Variants in GPC3 observed in about 807,000 individuals in gnomAD.
GPC3 encodes glypican-3.
A neutral mutation model predicts 34.4 loss-of-function variants in GPC3; 3 were observed. That is an observed-to-expected ratio of 0.09 (90% confidence interval 0.04 to 0.23). GPC3 has a LOEUF of 0.23. Ranked by LOEUF, GPC3 falls within the 10% of genes least tolerant of loss-of-function variation. The pLI is 1.00. For missense variants in GPC3, 351 were observed against 445.6 expected (o/e 0.79, Z 1.91); for synonymous variants, 177 against 174.0 (o/e 1.02, Z -0.13).
chrX:133,905,637 A>C (rs940083075), intron 2 of GPC3, among the ~76,000 whole-genome samples: 1 of 111,860 alleles, frequency 8.9e-6, no homozygotes, highest in Non-Finnish European at 1.9e-5. Flanking sequence ...CTGTTCCCAG[A>C]GATTCTCCTT....
chrX:133,894,669 G>A (rs762577416), intron 2 of GPC3, among the ~76,000 whole-genome samples: 7 of 111,284 alleles, frequency 6.3e-5, no homozygotes, highest in Non-Finnish European at 5.7e-5. Context: ...GTGAAACCCC[G>A]TCTCTACTAA....
intron 2 of GPC3, among the ~76,000 whole-genome samples, chrX:133,831,719 C>T (rs1158062390): frequency 9.0e-6 from 1 of 111,679 alleles, no homozygotes; most frequent in Non-Finnish European, 1.9e-5. Flanking sequence ...CAAAACAAAA[C>T]AAAACAAAAC....
At chrX:133,870,565 AC>A (rs1466190610) in intron 2 of GPC3, among the ~76,000 whole-genome samples, 1 of 110,607 alleles carries the variant, frequency 9.0e-6, no homozygotes, top group Non-Finnish European at 1.9e-5. Flanking sequence ...TAAGTCCTAA[AC>A]CCAATCCTGT....
At chrX:133,940,694 T>C (rs2076341863) in intron 2 of GPC3, among the ~76,000 whole-genome samples, 1 of 111,514 alleles carries the variant, frequency 9.0e-6, no homozygotes, top group African/African-American at 3.3e-5. Flanking sequence ...TCCCCTCCCA[T>C]CAAAACAAAA....
At chrX:133,547,196 G>T (rs950245056) in intron 7 of GPC3, among the ~76,000 whole-genome samples, 4 of 111,278 alleles carry the variant, frequency 3.6e-5, no homozygotes, top group Non-Finnish European at 7.5e-5. Context: ...GAGAAAAAAA[G>T]AATACAAATG....
chrX:133,676,964 C>T (rs778343064), intron 5 of GPC3, among the ~76,000 whole-genome samples: 11 of 111,018 alleles, frequency 9.9e-5, no homozygotes, highest in Non-Finnish European at 1.9e-4. Flanking sequence ...TCTCCTGTCA[C>T]TTATATATCT....
At chrX:133,585,051 G>C (rs779548631) in intron 7 of GPC3, among the ~76,000 whole-genome samples, 1 of 111,536 alleles carries the variant, frequency 9.0e-6, no homozygotes, top group African/African-American at 3.3e-5. Context: ...TGTGTACACA[G>C]GCAAGATCTA....
At chrX:133,805,415 A>T (rs1416431281) in intron 2 of GPC3, among the ~76,000 whole-genome samples, 1 of 111,966 alleles carries the variant, frequency 8.9e-6, no homozygotes, top group Admixed American at 9.5e-5. Context: ...ACTGGGGGAC[A>T]GTGGAATATG....
chrX:133,629,597 C>T (rs1235371829), intron 6 of GPC3, among the ~76,000 whole-genome samples: 1 of 107,848 alleles, frequency 9.3e-6, no homozygotes, highest in Non-Finnish European at 1.9e-5. Flanking sequence ...GGTTTCACTA[C>T]GTTGGCCAGG....
intron 1 of GPC3, among the ~76,000 whole-genome samples, chrX:133,976,007 A>C (rs1398514115): frequency 9.0e-6 from 1 of 111,671 alleles, no homozygotes; most frequent in Non-Finnish European, 1.9e-5. Flanking sequence ...ATTATTGGTG[A>C]CTGTCACTAC....
chrX:133,628,777 A>T (rs1416492623), intron 6 of GPC3, among the ~76,000 whole-genome samples: 2 of 111,600 alleles, frequency 1.8e-5, no homozygotes, highest in African/African-American at 3.3e-5. Context: ...CCAACATTTT[A>T]TCTCCATTAT....
intron 5 of GPC3, among the ~76,000 whole-genome samples, chrX:133,675,838 C>T (rs964412446): frequency 8.0e-5 from 9 of 112,478 alleles, no homozygotes; most frequent in African/African-American, 2.6e-4. Flanking sequence ...ATCTATTCTA[C>T]ACTTACCTAT....
chrX:133,574,863 A>G (rs1418929550), intron 7 of GPC3, among the ~76,000 whole-genome samples: 1 of 112,136 alleles, frequency 8.9e-6, no homozygotes, highest in Non-Finnish European at 1.9e-5. Context: ...TGGCATGGTT[A>G]GAATGAACAG....
In GPC3 at chrX:133,600,286, TAGA is replaced by T. The variant is rs377011302; in HGVS notation, c.1414-3690_1414-3688del. On this transcript the variant is annotated intron_variant, in intron 6 of 7. Transcript: ENST00000370818. ...AGAAAGTCAAGGCCCAGATTAATTA[TAGA>T]AGAAGAATTTGTGAATGAGTAGCTA... Among the ~76,000 whole-genome samples, 193 of 112,079 alleles carry T rather than the reference TAGA, an allele frequency of 1.7e-3. 1 individual carries two copies. The highest frequency in any genetic ancestry group is 6.0e-3 in the African/African-American group (185 of 30,908).
At chrX:133,572,777 G>A (rs993826561) in intron 7 of GPC3, among the ~76,000 whole-genome samples, 2 of 111,599 alleles carry the variant, frequency 1.8e-5, no homozygotes, top group African/African-American at 6.5e-5. Flanking sequence ...AGAAGAAATA[G>A]GAAATCTGAA....
At chrX:133,621,162 GA>G (rs896507085) in intron 6 of GPC3, among the ~76,000 whole-genome samples, 1 of 109,357 alleles carries the variant, frequency 9.1e-6, no homozygotes, top group African/African-American at 3.3e-5. Context: ...GAAGCACTGG[GA>G]AAAAAAAAGA....
chrX:133,887,834 CTT>C (rs2076068115), intron 2 of GPC3, among the ~76,000 whole-genome samples: 1 of 111,246 alleles, frequency 9.0e-6, no homozygotes, highest in African/African-American at 3.3e-5. Context: ...TTATTTGTCT[CTT>C]TTCGTTTTTG....
At chrX:133,968,228 C>G (rs762408009) in intron 1 of GPC3, among the ~76,000 whole-genome samples, 248 of 112,635 alleles carry the variant, frequency 2.2e-3, no homozygotes, top group African/African-American at 7.8e-3. Flanking sequence ...CTCTTTCCCC[C>G]TCAATCAACG....
chrX:133,720,378 C>T (rs143583810), intron 3 of GPC3, among the ~76,000 whole-genome samples: 5,085 of 111,352 alleles, frequency 0.046, 313 homozygotes, highest in African/African-American at 0.16. Context: ...ATCATGGGGG[C>T]AAGTCTTTCC....
Sources: allele counts gnomAD v4.1 joint callset (sites outside exome capture counted in the v4.1 genomes callset), GRCh38; gene constraint gnomAD v4.1.1; transcripts MANE v1.5; gene names NCBI Gene and HGNC (gene_info 2026-07-23, HGNC 2026-07-21).